The following POLN variants were observed in gnomAD, a reference collection of about 807,000 sequenced individuals.
The protein encoded by POLN is DNA polymerase N.
In POLN, 108 loss-of-function variants were observed where a neutral mutation model predicts 113.5. The ratio of observed to expected loss-of-function variants is 0.95; its 90% confidence interval spans 0.81 to 1.12. POLN has a LOEUF of 1.12. Among genes scored for constraint, POLN ranks in the 50% most tolerant of loss-of-function variants. POLN has a pLI of 0.00. For missense variants in POLN, 1,097 were observed against 1,077.1 expected (o/e 1.02, Z -0.26); for synonymous variants, 386 against 391.5 (o/e 0.99, Z 0.17).
chr4:2,197,542 C>G (rs1465800444), intron 6 of POLN, among the ~76,000 whole-genome samples: 1 of 152,172 alleles, frequency 6.6e-6, no homozygotes, highest in African/African-American at 2.4e-5. Flanking sequence ...CCTAAAATGA[C>G]CACTAGACAT....
chr4:2,086,874 GC>G (rs1045757804), intron 20 of POLN, among the ~76,000 whole-genome samples: 16 of 152,194 alleles, frequency 1.1e-4, no homozygotes, highest in African/African-American at 3.6e-4. Flanking sequence ...TGGTGCAGAA[GC>G]ATGGCCCAGG....
At chr4:2,158,667 A>G (rs1462294545) in intron 14 of POLN, among the ~76,000 whole-genome samples, 1 of 152,228 alleles carries the variant, frequency 6.6e-6, no homozygotes, top group Admixed American at 6.5e-5. Context: ...GTTCACAACC[A>G]AAAGAGAACT....
chr4:2,225,640 C>G (rs919387278), intron 3 of POLN, among the ~76,000 whole-genome samples: 1 of 149,984 alleles, frequency 6.7e-6, no homozygotes, highest in Non-Finnish European at 1.5e-5. Flanking sequence ...AAAACAAACA[C>G]TTTTCCTAAT....
intron 16 of POLN, among the ~76,000 whole-genome samples, chr4:2,146,020 A>C (rs1318111632): frequency 7.3e-6 from 1 of 136,058 alleles, no homozygotes; most frequent in East Asian, 2.1e-4. Context: ...ACAATATGCT[A>C]TAATTTATAT....
intron 2 of POLN, among the ~76,000 whole-genome samples, chr4:2,238,042 T>C (rs1445970934): frequency 1.3e-4 from 20 of 152,198 alleles, no homozygotes; most frequent in Admixed American, 1.3e-3. Context: ...GCTTTTACCC[T>C]AGTCCTGGAG....
intron 10 of POLN, 123 bp downstream of exon 10, chr4:2,174,568 A>T (rs993752417): frequency 1.2e-6 from 1 of 805,362 alleles, no homozygotes; most frequent in Non-Finnish European, 2.1e-6. Flanking sequence ...TAGGCTTGCT[A>T]CCTCTCTGGT....
intron 7 of POLN, among the ~76,000 whole-genome samples, chr4:2,190,810 T>A (rs1274096850): frequency 6.6e-6 from 1 of 151,666 alleles, no homozygotes; most frequent in Non-Finnish European, 1.5e-5. Context: ...GCAAGGAAAA[T>A]CACAATGAGA....
chr4:2,094,218 G>A (rs1041855179), intron 20 of POLN, among the ~76,000 whole-genome samples: 14 of 151,946 alleles, frequency 9.2e-5, no homozygotes, highest in Non-Finnish European at 1.8e-4. Context: ...GTGGTGGCAG[G>A]TGCCTGTCAC....
At chr4:2,180,125 G>A (rs1054029105) in intron 7 of POLN, among the ~76,000 whole-genome samples, 25 of 152,216 alleles carry the variant, frequency 1.6e-4, no homozygotes, top group Admixed American at 2.6e-4. Flanking sequence ...CTGAGCCTGG[G>A]AGGCCACCTC....
chr4:2,228,562 C>T (rs1263479353), intron 3 of POLN: 1 of 171,836 alleles, frequency 5.8e-6, no homozygotes, highest in Non-Finnish European at 1.3e-5. Context: ...TGGTCTCGAT[C>T]TCCTGACCTC....
chr4:2,115,226 A>ATT (rs1296030446), intron 19 of POLN, among the ~76,000 whole-genome samples: 13,739 of 106,626 alleles, frequency 0.13, 706 homozygotes, highest in Middle Eastern at 0.2. Context: ...ATATATATAT[A>ATT]TATTTTTTTT....
At chr4:2,188,611 A>C (rs1259587105) in intron 7 of POLN, among the ~76,000 whole-genome samples, 1 of 91,510 alleles carries the variant, frequency 1.1e-5, no homozygotes, top group Non-Finnish European at 1.9e-5. Context: ...AAAAAAAACA[A>C]AAAACAAAAA....
chr4:2,236,497 G>A, intron 2 of POLN: 1 of 1,382,530 alleles, frequency 7.2e-7, no homozygotes, highest in Non-Finnish European at 1.0e-6. Context: ...AAATTATCAA[G>A]TCAGTATCAT....
At chr4:2,190,047 T>G (rs1478124598) in intron 7 of POLN, among the ~76,000 whole-genome samples, 1 of 138,228 alleles carries the variant, frequency 7.2e-6, no homozygotes, top group Non-Finnish European at 1.6e-5. Flanking sequence ...AAAAAAGAAA[T>G]AGGACAAAAA....
chr4:2,214,018 C>T (rs1185636647), intron 3 of POLN, among the ~76,000 whole-genome samples: 1 of 152,106 alleles, frequency 6.6e-6, no homozygotes, highest in African/African-American at 2.4e-5. Flanking sequence ...GGTGGATCAC[C>T]TCAGGTCAGG....
intron 19 of POLN, among the ~76,000 whole-genome samples, chr4:2,115,607 C>T (rs1276557698): frequency 2.0e-5 from 3 of 152,136 alleles, no homozygotes; most frequent in Admixed American, 1.3e-4. Context: ...CATGTTCTTG[C>T]TTCTTCTTAG....
intron 19 of POLN, among the ~76,000 whole-genome samples, chr4:2,122,931 T>C (rs374743458): frequency 2.2e-4 from 34 of 151,524 alleles, no homozygotes; most frequent in Non-Finnish European, 4.3e-4. Flanking sequence ...GGAGGGAGGA[T>C]TGCTTGAGCC....
rs1463692060 is a variant in POLN, at chr4:2,126,690, T to C, written c.1982+1423A>G. Among the ~76,000 whole-genome samples the C allele has an allele frequency of 6.6e-6, 1 of 151,552 alleles. No individual in the cohort carries two copies. Among genetic ancestry groups the C allele is most frequent in the Non-Finnish European group, 1.5e-5 (1 of 67,868 alleles). ...GGGGAGGGTGGTCAGGGGAGGGCCC[T>C]GAGGAGACGCCGGGAGGGCCCACTT... On this transcript the variant is annotated intron_variant, in intron 19 of 25. Transcript: ENST00000511885. The surrounding 1 kb of genome is among the most constrained non-coding windows in gnomAD (Gnocchi z 4.6).
intron 7 of POLN, among the ~76,000 whole-genome samples, chr4:2,186,026 A>T (rs1220099701): frequency 6.6e-6 from 1 of 152,186 alleles, no homozygotes; most frequent in Non-Finnish European, 1.5e-5. Context: ...CCAGAACCCA[A>T]ATATAAGGAT....
Sources: gnomAD v4.1 joint callset for allele counts (sites outside exome capture counted in the v4.1 genomes callset) on GRCh38, gnomAD v4.1.1 for gene constraint, Gnocchi (gnomAD v3.1) non-coding constraint, MANE v1.5 for transcripts, NCBI Gene and HGNC (gene_info 2026-07-23, HGNC 2026-07-21) for gene names.